COL6A3: variants seen among roughly 807,000 people sequenced by gnomAD.
COL6A3 encodes the protein collagen alpha-3(VI) chain.
In COL6A3, 137 loss-of-function variants were observed where a neutral mutation model predicts 274.1. That is an observed-to-expected ratio of 0.50 (90% CI 0.44 to 0.58). COL6A3 has a LOEUF of 0.58. Among genes scored for constraint, COL6A3 ranks in the 20% least tolerant of loss-of-function variants. COL6A3 has a pLI of 0.00. For synonymous variants in COL6A3, 1,650 were observed against 1,650.6 expected, an observed-to-expected ratio of 1.00 and a Z score of 0.01; for missense variants, 3,950 against 4,124.9, an observed-to-expected ratio of 0.96 and a Z score of 1.16.
chr2:237,341,980 A>G, intron 37 of COL6A3, 85 bp downstream of exon 37: 2 of 1,089,058 alleles, frequency 1.8e-6, no homozygotes, highest in Non-Finnish European at 2.8e-6. Context: ...CTTTTTACAG[A>G]TCATCATTAT....
At chr2:237,351,946 C>T (rs543972303) in intron 26 of COL6A3, among the ~76,000 whole-genome samples, 4 of 152,332 alleles carry the variant, frequency 2.6e-5, no homozygotes, top group Admixed American at 6.5e-5. Flanking sequence ...TGATAGGATG[C>T]CTCCCTCAAT....
chr2:237,396,458 G>A (rs1050231441), intron 2 of COL6A3, among the ~76,000 whole-genome samples: 7 of 152,134 alleles, frequency 4.6e-5, no homozygotes, highest in African/African-American at 1.7e-4. Context: ...CAAACTTTCC[G>A]TTCACATCCA....
chr2:237,369,624 T>A (rs1399215083), intron 9 of COL6A3, among the ~76,000 whole-genome samples: 1 of 152,160 alleles, frequency 6.6e-6, no homozygotes, highest in Non-Finnish European at 1.5e-5. Flanking sequence ...GGCCATCACT[T>A]AGCAAGTGAG....
chr2:237,332,140 C>T (rs1368914909), intron 42 of COL6A3, among the ~76,000 whole-genome samples: 1 of 90,674 alleles, frequency 1.1e-5, no homozygotes, highest in African/African-American at 3.8e-5. Flanking sequence ...CAAAACAGCC[C>T]AGCCAGACCC....
chr2:237,325,954 G>T (rs1699920226), intron 42 of COL6A3: 1 of 448,680 alleles, frequency 2.2e-6, no homozygotes, highest in East Asian at 3.4e-5. Context: ...CAATGAAAGG[G>T]CTTCATAAAC....
chr2:237,324,641 C>T lies in COL6A3; in HGVS notation c.*133G>A, dbSNP rs560884844. On this transcript the variant is annotated 3_prime_UTR_variant, in exon 44 of 44. Transcript: ENST00000295550. ...AGGTCATGCAGCAGGATGTTCCCTCCCGAGTTCGAGTGTAAATCAAAGCAT... is the reference window on the plus strand; with the variant it reads ...AGGTCATGCAGCAGGATGTTCCCTCTCGAGTTCGAGTGTAAATCAAAGCAT... The T allele has an allele frequency of 7.4e-6, 6 of 811,152 alleles. No individual in the cohort carries two copies. The highest frequency in any genetic ancestry group is 2.2e-4 in the Middle Eastern group (1 of 4,550). 50.2% of individuals were successfully genotyped at this position (811,152 alleles called of 1,614,324 possible).
intron 24 of COL6A3, 21 bp from the exon 25 acceptor site, chr2:237,353,424 C>G: frequency 6.2e-7 from 1 of 1,610,600 alleles, no homozygotes; most frequent in South Asian, 1.1e-5. Flanking sequence ...AGAGAAGATG[C>G]AGGGAGGAGT....
chr2:237,355,207 G>T (rs1413446629), intron 23 of COL6A3: 1 of 464,854 alleles, frequency 2.2e-6, no homozygotes, highest in Non-Finnish European at 3.8e-6. Flanking sequence ...AATTACTGCA[G>T]ACCTGCCAAG....
At chr2:237,332,117 A>ATATATGTGTGTG (rs35490728) in intron 42 of COL6A3, among the ~76,000 whole-genome samples, 2 of 64,206 alleles carry the variant, frequency 3.1e-5, no homozygotes, top group African/African-American at 9.6e-5. Context: ...ATATATATAT[A>ATATATGTGTGTG]TGAAAAGAAA....
Position 237,361,893 on chromosome 2 carries a change from A to C in COL6A3, c.6064-62T>G. 6.9e-7 allele frequency: 1 copy of C among 1,450,698 alleles called. No individual in the cohort carries two copies. Among genetic ancestry groups the C allele is most frequent in the South Asian group, 1.1e-5 (1 of 87,742 alleles). The allele number at this position is 1,450,698 out of a possible 1,614,324, so 89.9% of individuals were successfully genotyped here. On this transcript the variant is annotated intron_variant, in intron 14 of 43. Coordinates refer to ENST00000295550, the MANE Select transcript of COL6A3 (RefSeq NM_004369.4). The surrounding 1 kb of genome is among the most constrained non-coding windows in gnomAD (Gnocchi z 5.1). ...AAGAAATGCCCAGCAGAAAATCATA[A>C]ATGCGCTTTAAGGGTCAAAATCGGA...
intron 16 of COL6A3, 95 bp from the exon 17 acceptor site, chr2:237,360,254 A>G (rs2077405197): frequency 8.2e-7 from 1 of 1,221,588 alleles, no homozygotes; most frequent in Admixed American, 1.9e-5. Context: ...TGTGAACAGC[A>G]TGCAGCAGAA....
rs1574695218 is a variant in COL6A3 at position 237,368,924 on chromosome 2, T to C, written c.4539A>G (p.Pro1513=). ...ATTCGAGAGCCTTGCCAGTGTTCAG[T>C]GGGGACCCCCCTCTGAGCCTCAGGC... is the stretch of plus-strand genomic sequence containing the variant. ...IRRLRLRGGS[P]LNTGKALEFV... is the part of the protein sequence containing the mutation. Residue 1513 remains proline, a synonymous_variant, in exon 10 of 44, where the codon CCA becomes CCG. Transcript: ENST00000295550. The surrounding 1 kb of genome is among the most constrained non-coding windows in gnomAD (Gnocchi z 4.4). 14 of 1,614,192 alleles carry C rather than the reference T, an allele frequency of 8.7e-6. No homozygotes were observed. The highest frequency in any genetic ancestry group is 1.1e-5 in the Non-Finnish European group (13 of 1,180,028).
Position 237,387,981 on chromosome 2 carries a change from C to A in COL6A3, c.913G>T (p.Val305Phe). The change falls in exon 4 of 44, where the codon GTT (valine) becomes TTT (phenylalanine). Residue 305 changes from valine (V) to phenylalanine (F), a missense_variant. Coordinates refer to ENST00000295550, the MANE Select transcript of COL6A3 (RefSeq NM_004369.4). ...CCGAGGGCTTTCACTGCACCCAGAA[C>A]CTGGGCCTTGGTGGAGTAGGTGTCC... ...SLDTYSTKAQ[V>F]LGAVKALGFA... 6.2e-7 allele frequency: 1 copy of A among 1,614,216 alleles called. No individual in the cohort carries two copies. Among genetic ancestry groups the A allele is most frequent in the Admixed American group, 1.7e-5 (1 of 60,028 alleles).
chr2:237,353,204 G>A (rs930662557), intron 25 of COL6A3, 137 bp downstream of exon 25: 1 of 822,686 alleles, frequency 1.2e-6, no homozygotes, highest in Non-Finnish European at 2.0e-6. Context: ...TGATTGCACA[G>A]CATTGTGGAA....
chr2:237,340,427 A>T lies in COL6A3; in HGVS notation c.8464+25T>A, dbSNP rs914709867. 1.6e-5 allele frequency: 26 copies of T among 1,605,500 alleles called. No individual in the cohort carries two copies. In the Middle Eastern group the frequency reaches 5.5e-4, roughly 34 times the overall value. On this transcript the variant is annotated intron_variant, in intron 38 of 43. Transcript: ENST00000295550. ...CCCGAGCATAAAGCCAGGCCAGGGC[A>T]CATGCTGTGCCACGCAGGACTTACT...
Position 237,363,237 on chromosome 2 carries a change from C to T in COL6A3, c.6063+16G>A. On this transcript the variant is annotated intron_variant, in intron 14 of 43. Coordinates refer to ENST00000295550, the MANE Select transcript of COL6A3 (RefSeq NM_004369.4). The stretch of plus-strand genomic sequence containing the variant: ...ATCTACACTGGTCTGTGTATAAAGA[C>T]ATAAAAAAAACTCACAAGCTGCTCC... 6.3e-7 allele frequency: 1 copy of T among 1,594,002 alleles called. No individual in the cohort carries two copies. Among genetic ancestry groups the T allele is most frequent in the African/African-American group, 1.4e-5 (1 of 71,144 alleles).
chr2:237,360,056 C>T, intron 17 of COL6A3, 32 bp downstream of exon 17: 1 of 1,612,340 alleles, frequency 6.2e-7, no homozygotes, highest in African/African-American at 1.3e-5. Flanking sequence ...TGACCCCTCC[C>T]CACGCTAGCA....
intron 8 of COL6A3, among the ~76,000 whole-genome samples, chr2:237,372,547 A>G (rs2077720614): frequency 6.6e-6 from 1 of 152,222 alleles, no homozygotes; most frequent in Non-Finnish European, 1.5e-5. Context: ...CGACGGAGGC[A>G]GAATCAGAAG....
chr2:237,347,862 G>A lies in COL6A3; in HGVS notation c.6974C>T (p.Pro2325Leu). 3.1e-6 allele frequency: 5 copies of A among 1,609,668 alleles called. No homozygotes were observed. Among genetic ancestry groups the A allele is most frequent in the Non-Finnish European group, 4.2e-6 (5 of 1,177,848 alleles). The change falls in exon 31 of 44, where the codon CCA (proline) becomes CTA (leucine). Residue 2325 changes from proline to leucine, a missense_variant. Pro to Leu is a moderately conservative substitution (Grantham distance 98, BLOSUM62 -3). Transcript: ENST00000295550. Reference sequence around the variant, plus strand: ...TGTTCCATTTAGCCCAGGTTCACCTGGGTTACCCTGGGAAGAAAGCCGAGA... The same window carrying A: ...TGTTCCATTTAGCCCAGGTTCACCTAGGTTACCCTGGGAAGAAAGCCGAGA... The part of the protein sequence containing the change: ...FPGYPGPKGN[P>L]GEPGLNGTTG...
Sources: allele counts gnomAD v4.1 joint callset (sites outside exome capture counted in the v4.1 genomes callset), GRCh38; gene constraint gnomAD v4.1.1; non-coding constraint Gnocchi (gnomAD v3.1); transcripts MANE v1.5; gene names NCBI Gene and HGNC (gene_info 2026-07-23, HGNC 2026-07-21).